The following ST6GALNAC3 variants were observed in gnomAD, a reference collection of about 807,000 sequenced individuals.
The protein encoded by ST6GALNAC3 is alpha-N-acetylgalactosaminide alpha-2,6-sialyltransferase 3.
A neutral mutation model predicts 32.7 loss-of-function variants in ST6GALNAC3; 25 were observed. That is an observed-to-expected ratio of 0.76 (90% CI 0.56 to 1.07). The LOEUF (loss-of-function observed/expected upper bound fraction) is 1.07. Ranked by LOEUF, ST6GALNAC3 falls within the 50% of genes least tolerant of loss-of-function variation. The pLI is 0.00. For missense variants in ST6GALNAC3, 355 were observed against 382.4 expected (o/e 0.93, Z 0.60); for synonymous variants, 129 against 133.1 (o/e 0.97, Z 0.21).
chr1:76,630,486 G>T lies in ST6GALNAC3; in HGVS notation c.*1680G>T. 6.1e-6 allele frequency: 6 copies of T among 985,202 alleles called. No homozygotes were observed. Among genetic ancestry groups the T allele is most frequent in the Non-Finnish European group, 7.2e-6 (6 of 829,846 alleles). The allele number at this position is 985,202 out of a possible 1,614,324, so 61.0% of individuals were successfully genotyped here. A position where few individuals can be genotyped will look rare whatever the true frequency, so the allele number is the denominator to read the frequency against. ...TTAAATAGTAAAGGGTTGATTTGCTGCAAGAGTAGCTGAGAATTCAAAAAC... is the reference window on the plus strand; with the variant it reads ...TTAAATAGTAAAGGGTTGATTTGCTTCAAGAGTAGCTGAGAATTCAAAAAC... On this transcript the variant is annotated 3_prime_UTR_variant, in exon 5 of 5. Transcript: ENST00000328299.
chr1:76,576,202 T>A (rs1222317669), intron 3 of ST6GALNAC3, among the ~76,000 whole-genome samples: 1 of 152,028 alleles, frequency 6.6e-6, no homozygotes, highest in African/African-American at 2.4e-5. Flanking sequence ...GGATGATTAG[T>A]TATTGGCAAT....
At chr1:76,213,995 T>C (rs1296614654) in intron 1 of ST6GALNAC3, among the ~76,000 whole-genome samples, 1 of 152,100 alleles carries the variant, frequency 6.6e-6, no homozygotes, top group Non-Finnish European at 1.5e-5. Flanking sequence ...AGGGATTAAA[T>C]ATAATTGAAA....
chr1:76,182,204 G>A (rs1390092434), intron 1 of ST6GALNAC3, among the ~76,000 whole-genome samples: 1 of 152,070 alleles, frequency 6.6e-6, no homozygotes, highest in Non-Finnish European at 1.5e-5. Context: ...TACTCCACAG[G>A]TTTTCAAAAG....
chr1:76,618,537 G>A (rs1466454190), intron 3 of ST6GALNAC3, among the ~76,000 whole-genome samples: 1 of 152,086 alleles, frequency 6.6e-6, no homozygotes, highest in African/African-American at 2.4e-5. Flanking sequence ...AAAAATATTA[G>A]CTTTTTGCTG....
chr1:76,083,972 A>C (rs1413717672), intron 1 of ST6GALNAC3, among the ~76,000 whole-genome samples: 1 of 152,226 alleles, frequency 6.6e-6, no homozygotes, highest in African/African-American at 2.4e-5. Context: ...ATTATTTTTA[A>C]AAGGTAAATT....
At chr1:76,354,538 T>A (rs376810533) in intron 2 of ST6GALNAC3, among the ~76,000 whole-genome samples, 5 of 152,350 alleles carry the variant, frequency 3.3e-5, no homozygotes, top group African/African-American at 1.2e-4. Flanking sequence ...AATTCTTAAA[T>A]GCTGAAGGTT....
At chr1:76,320,986 T>C in intron 2 of ST6GALNAC3, among the ~76,000 whole-genome samples, 1 of 141,982 alleles carries the variant, frequency 7.0e-6, no homozygotes, top group Non-Finnish European at 1.5e-5. Flanking sequence ...ACACACACAT[T>C]ATATATATAT....
chr1:76,418,021 T>C (rs1654762350), intron 3 of ST6GALNAC3, among the ~76,000 whole-genome samples: 1 of 152,160 alleles, frequency 6.6e-6, no homozygotes, highest in African/African-American at 2.4e-5. Flanking sequence ...GATCTCTACC[T>C]GGCTCATCTT....
At chr1:76,610,934 A>G (rs1172665097) in intron 3 of ST6GALNAC3, among the ~76,000 whole-genome samples, 1 of 152,292 alleles carries the variant, frequency 6.6e-6, no homozygotes, top group African/African-American at 2.4e-5. Flanking sequence ...CGTGCTAGGT[A>G]TTTGTGACTA....
At chr1:76,156,881 G>A (rs1306843719) in intron 1 of ST6GALNAC3, among the ~76,000 whole-genome samples, 5 of 152,132 alleles carry the variant, frequency 3.3e-5, no homozygotes, top group Admixed American at 6.5e-5. Flanking sequence ...ACAGGCGCCC[G>A]CCACCACGCC....
At chr1:76,279,590 A>G (rs1296409315) in intron 1 of ST6GALNAC3, among the ~76,000 whole-genome samples, 3 of 152,216 alleles carry the variant, frequency 2.0e-5, no homozygotes, top group Middle Eastern at 3.2e-3. Context: ...AGTAGTGGCC[A>G]TAATCACGTG....
intron 1 of ST6GALNAC3, among the ~76,000 whole-genome samples, chr1:76,271,599 A>G (rs2100756791): frequency 6.6e-6 from 1 of 152,360 alleles, no homozygotes; most frequent in East Asian, 1.9e-4. Context: ...AAAGTCTAGC[A>G]GAGCAAGTGT....
At chr1:76,136,497 T>G (rs903629170) in intron 1 of ST6GALNAC3, among the ~76,000 whole-genome samples, 1 of 151,480 alleles carries the variant, frequency 6.6e-6, no homozygotes, top group Non-Finnish European at 1.5e-5. Flanking sequence ...AAGGTAATTC[T>G]ATCCTACTTG....
chr1:76,151,805 C>T (rs1006597773), intron 1 of ST6GALNAC3, among the ~76,000 whole-genome samples: 4 of 152,132 alleles, frequency 2.6e-5, no homozygotes, highest in East Asian at 3.9e-4. Flanking sequence ...GGTCCCATCC[C>T]GGATTCACCT....
intron 3 of ST6GALNAC3, among the ~76,000 whole-genome samples, chr1:76,481,379 T>A (rs561120753): frequency 9.8e-5 from 15 of 152,322 alleles, no homozygotes; most frequent in African/African-American, 3.4e-4. Context: ...ATTTGCTAAA[T>A]GAATGGTTTA....
intron 3 of ST6GALNAC3, among the ~76,000 whole-genome samples, chr1:76,416,185 T>C (rs1440689031): frequency 6.6e-6 from 1 of 152,158 alleles, no homozygotes; most frequent in Non-Finnish European, 1.5e-5. Flanking sequence ...TATGTGGATC[T>C]GTGCTCACAA....
chr1:76,322,139 A>G (rs981588104), intron 2 of ST6GALNAC3, among the ~76,000 whole-genome samples: 2 of 152,148 alleles, frequency 1.3e-5, no homozygotes, highest in Admixed American at 6.5e-5. Context: ...AGCAAAGGAA[A>G]ACAAAACAGT....
At chr1:76,536,656 A>C (rs1663624509) in intron 3 of ST6GALNAC3, among the ~76,000 whole-genome samples, 1 of 19,314 alleles carries the variant, frequency 5.2e-5, no homozygotes. Context: ...ATGGAAAGCA[A>C]AAAAAAAAAA....
intron 3 of ST6GALNAC3, among the ~76,000 whole-genome samples, chr1:76,553,266 T>TA (rs974218142): frequency 6.6e-6 from 1 of 152,170 alleles, no homozygotes; most frequent in African/African-American, 2.4e-5. Context: ...ATGGAGCATG[T>TA]AAAACGTGTA....
Sources: allele counts gnomAD v4.1 joint callset (sites outside exome capture counted in the v4.1 genomes callset), GRCh38; gene constraint gnomAD v4.1.1; transcripts MANE v1.5; gene names NCBI Gene and HGNC (gene_info 2026-07-23, HGNC 2026-07-21).